The following FRMPD4 variants were observed in gnomAD, a reference collection of about 807,000 sequenced individuals.
The protein encoded by FRMPD4 is FERM and PDZ domain-containing protein 4.
Under a neutral mutation model 94.1 loss-of-function variants are expected in FRMPD4, and 22 were observed. That is an observed-to-expected ratio of 0.23 (90% CI 0.17 to 0.33). FRMPD4 has a LOEUF of 0.33. Ranked by LOEUF, FRMPD4 falls within the 10% of genes least tolerant of loss-of-function variation. The pLI is 1.00. For synonymous variants in FRMPD4, 631 were observed against 548.6 expected (o/e 1.15, Z -2.10); for missense variants, 1,111 against 1,339.9 (o/e 0.83, Z 2.67).
intron 2 of FRMPD4, among the ~76,000 whole-genome samples, chrX:12,499,481 A>C (rs2057892751): frequency 8.9e-6 from 1 of 112,212 alleles, no homozygotes; most frequent in Admixed American, 9.4e-5. Context: ...CTTTTTCATG[A>C]TACCCGAAAG....
chrX:11,856,585 C>A (rs1003529102), intron 1 of FRMPD4, among the ~76,000 whole-genome samples: 1 of 111,626 alleles, frequency 9.0e-6, no homozygotes, highest in Admixed American at 9.5e-5. Context: ...AAATGACAAA[C>A]CCATAGCCAG....
intron 2 of FRMPD4, among the ~76,000 whole-genome samples, chrX:12,545,067 A>G (rs2058460264): frequency 9.0e-6 from 1 of 111,094 alleles, no homozygotes; most frequent in African/African-American, 3.3e-5. Context: ...CTCCTATTGA[A>G]TTCTCTACCT....
At position 12,716,563 on chromosome X, in the gene FRMPD4, A is replaced by G; in HGVS notation, c.2104A>G (p.Thr702Ala). 1 of 1,209,990 alleles carries G rather than the reference A, an allele frequency of 8.3e-7. No homozygotes were observed. Among genetic ancestry groups the G allele is most frequent in the African/African-American group, 1.7e-5 (1 of 57,576 alleles). Residue 702 changes from threonine (T) to alanine (A), a missense_variant, in exon 15 of 17, where the codon ACT becomes GCT. By Grantham distance (58) the Thr-to-Ala change is moderately conservative. Coordinates refer to ENST00000675598, the MANE Select transcript of FRMPD4 (RefSeq NM_001368397.1). Reference protein sequence around the residue: ...SANDMKGLDLTPEAEGIQFVE... With the variant: ...SANDMKGLDLAPEAEGIQFVE... ...CAATGACATGAAGGGCCTGGATCTC[A>G]CTCCAGAGGCAGAGGGCATCCAGTT...
chrX:11,967,756 G>GTGT (rs36019385), intron 3 of FRMPD4, among the ~76,000 whole-genome samples: 1,205 of 65,566 alleles, frequency 0.018, 25 homozygotes, highest in Non-Finnish European at 0.029. Flanking sequence ...GTGTGTGTGT[G>GTGT]TTTTTTTTTT....
chrX:11,835,492 C>T (rs936126204), intron 1 of FRMPD4, among the ~76,000 whole-genome samples: 1 of 112,065 alleles, frequency 8.9e-6, no homozygotes, highest in Admixed American at 9.5e-5. Flanking sequence ...GCACGTACAA[C>T]GTGGCATCAT....
chrX:11,928,190 C>A (rs1370262784), intron 3 of FRMPD4, among the ~76,000 whole-genome samples: 1 of 112,117 alleles, frequency 8.9e-6, no homozygotes, highest in Admixed American at 9.4e-5. Context: ...CAAAACAAAA[C>A]CACAATGAGA....
chrX:12,301,142 G>A (rs2054853873), intron 1 of FRMPD4, among the ~76,000 whole-genome samples: 1 of 100,754 alleles, frequency 9.9e-6, no homozygotes, highest in Admixed American at 1.2e-4. Context: ...TCTCAAGTTT[G>A]TCCTCACTTC....
At chrX:12,238,005 T>A (rs1353100540) in intron 1 of FRMPD4, among the ~76,000 whole-genome samples, 3 of 112,593 alleles carry the variant, frequency 2.7e-5, no homozygotes, top group Non-Finnish European at 5.6e-5. Flanking sequence ...GGCACTCATG[T>A]ATGCATTGCC....
At chrX:12,662,395 C>T (rs185084780) in intron 4 of FRMPD4, among the ~76,000 whole-genome samples, 218 of 109,970 alleles carry the variant, frequency 2.0e-3, no homozygotes, top group African/African-American at 6.7e-3. Flanking sequence ...TGTTCTCCTC[C>T]CTGTGTCCAT....
intron 1 of FRMPD4, among the ~76,000 whole-genome samples, chrX:12,432,556 G>A (rs1199091508): frequency 1.8e-5 from 2 of 111,737 alleles, no homozygotes; most frequent in African/African-American, 6.5e-5. Flanking sequence ...TTCCTTGAAG[G>A]TTGTTGGACT....
At chrX:12,258,741 A>G (rs1176887221) in intron 1 of FRMPD4, among the ~76,000 whole-genome samples, 1 of 111,836 alleles carries the variant, frequency 8.9e-6, no homozygotes, top group Non-Finnish European at 1.9e-5. Context: ...TAATACATGT[A>G]TACAATGTGT....
intron 1 of FRMPD4, among the ~76,000 whole-genome samples, chrX:12,482,593 C>T (rs1163461539): frequency 9.0e-6 from 1 of 111,412 alleles, no homozygotes; most frequent in Non-Finnish European, 1.9e-5. Context: ...TGACTTTGCC[C>T]CAAGGGTATA....
chrX:12,405,115 T>G (rs937030379), intron 1 of FRMPD4, among the ~76,000 whole-genome samples: 15 of 111,707 alleles, frequency 1.3e-4, no homozygotes, highest in Non-Finnish European at 2.6e-4. Context: ...GCATTGGTAT[T>G]TTTAAAAGCT....
At chrX:12,474,313 G>A (rs2057562154) in intron 1 of FRMPD4, among the ~76,000 whole-genome samples, 1 of 110,988 alleles carries the variant, frequency 9.0e-6, no homozygotes, top group Non-Finnish European at 1.9e-5. Context: ...TTAAAGCAGT[G>A]TGTAGAGGGA....
intron 2 of FRMPD4, among the ~76,000 whole-genome samples, chrX:12,572,310 C>A (rs1429381495): frequency 8.9e-6 from 1 of 112,047 alleles, no homozygotes; most frequent in East Asian, 2.8e-4. Context: ...ATAATTCACT[C>A]ACCCATTTTT....
rs888326840 is a variant in FRMPD4, at chrX:12,237,251, A to T, written c.41+98239A>T. The stretch of plus-strand genomic sequence containing the variant: ...ATATTGTATACATCTAAGTACAGAA[A>T]TTTTTTTTTTGGTATTTGTTTTGTA... On this transcript the variant is annotated intron_variant, in intron 1 of 16. Coordinates refer to ENST00000675598, the MANE Select transcript of FRMPD4 (RefSeq NM_001368397.1). Among the ~76,000 whole-genome samples the T allele has an allele frequency of 5.5e-5, 6 of 108,644 alleles. No individual in the cohort carries two copies. In the East Asian group the frequency reaches 1.2e-3, roughly 21 times the overall value. 94.3% of individuals were successfully genotyped at this position (108,644 alleles called of 115,157 possible).
At chrX:11,877,238 C>T (rs776711719) in intron 2 of FRMPD4, among the ~76,000 whole-genome samples, 3 of 111,716 alleles carry the variant, frequency 2.7e-5, no homozygotes, top group African/African-American at 9.8e-5. Flanking sequence ...AAGGTAGATG[C>T]GTTAAATCTC....
At chrX:12,210,581 A>G (rs936492490) in intron 1 of FRMPD4, among the ~76,000 whole-genome samples, 1 of 111,600 alleles carries the variant, frequency 9.0e-6, no homozygotes, top group African/African-American at 3.3e-5. Context: ...GGGTGTCTTC[A>G]TCTTGTACAA....
intron 1 of FRMPD4, among the ~76,000 whole-genome samples, chrX:12,335,679 G>C (rs1601831711): frequency 9.0e-6 from 1 of 111,145 alleles, no homozygotes; most frequent in Admixed American, 9.6e-5. Flanking sequence ...CCAGGAGACT[G>C]AGTATACTAG....
Sources: allele counts gnomAD v4.1 joint callset (sites outside exome capture counted in the v4.1 genomes callset), GRCh38; gene constraint gnomAD v4.1.1; transcripts MANE v1.5; gene names NCBI Gene and HGNC (gene_info 2026-07-23, HGNC 2026-07-21).